Variants in MB21D2 observed in about 807,000 individuals in gnomAD.
The protein encoded by MB21D2 is Mab-21 domain containing 2, also known as nucleotidyltransferase MB21D2.
A neutral mutation model predicts 33.3 loss-of-function variants in MB21D2; 9 were observed. The ratio of observed to expected loss-of-function variants is 0.27; its 90% CI spans 0.16 to 0.47. The LOEUF (loss-of-function observed/expected upper bound fraction) is 0.47, where lower values mean the gene tolerates loss of function less well. Ranked by LOEUF, MB21D2 falls within the 20% of genes least tolerant of loss-of-function variation. The probability of loss-of-function intolerance (pLI) is 0.99; values close to 1 mark genes in which losing one functional copy is unlikely to be tolerated. For missense variants in MB21D2, 540 were observed against 624.6 expected (o/e 0.86, Z 1.44); for synonymous variants, 241 against 236.3 (o/e 1.02, Z -0.18).
intron 1 of MB21D2, among the ~76,000 whole-genome samples, chr3:192,901,011 T>G (rs1183131284): frequency 6.6e-6 from 1 of 151,624 alleles, no homozygotes; most frequent in Admixed American, 6.6e-5. Flanking sequence ...AGGATGGATG[T>G]ATGAATGCTT....
chr3:192,855,688 C>A (rs904478780), intron 1 of MB21D2, among the ~76,000 whole-genome samples: 24 of 152,230 alleles, frequency 1.6e-4, no homozygotes, highest in African/African-American at 5.1e-4. Context: ...AGAACCCATT[C>A]TCTTGATGAC....
intron 1 of MB21D2, among the ~76,000 whole-genome samples, chr3:192,888,974 C>CT (rs979885097): frequency 2.6e-4 from 39 of 151,982 alleles, no homozygotes; most frequent in Non-Finnish European, 5.3e-4. Flanking sequence ...TCTATCATCT[C>CT]TACCAGCTCA....
At chr3:192,875,409 G>A (rs1444954433) in intron 1 of MB21D2, among the ~76,000 whole-genome samples, 1 of 152,160 alleles carries the variant, frequency 6.6e-6, no homozygotes, top group Non-Finnish European at 1.5e-5. Flanking sequence ...ATGTAAACCA[G>A]GATTGCCACA....
chr3:192,852,794 ACC>A (rs1712834610), intron 1 of MB21D2, among the ~76,000 whole-genome samples: 1 of 151,434 alleles, frequency 6.6e-6, no homozygotes, highest in African/African-American at 2.4e-5. Flanking sequence ...TGAGCTCCCC[ACC>A]ACTGACCCCC....
chr3:192,893,388 A>C (rs376952924), intron 1 of MB21D2, among the ~76,000 whole-genome samples: 1 of 152,196 alleles, frequency 6.6e-6, no homozygotes, highest in South Asian at 2.1e-4. Flanking sequence ...ACAGGTTTTG[A>C]TATCAGTAAG....
intron 1 of MB21D2, among the ~76,000 whole-genome samples, chr3:192,864,317 T>A (rs559921600): frequency 6.6e-6 from 1 of 152,280 alleles, no homozygotes; most frequent in Non-Finnish European, 1.5e-5. Context: ...CCCCAGTTTG[T>A]GTGTGAACTG....
chr3:192,803,685 TG>T (rs1711599417), intron 1 of MB21D2, among the ~76,000 whole-genome samples: 1 of 152,132 alleles, frequency 6.6e-6, no homozygotes, highest in African/African-American at 2.4e-5. Context: ...AACACAGGGC[TG>T]GAAGGGAAAA....
intron 1 of MB21D2, among the ~76,000 whole-genome samples, chr3:192,894,053 A>G (rs1235857092): frequency 6.6e-6 from 1 of 151,920 alleles, no homozygotes; most frequent in Non-Finnish European, 1.5e-5. Context: ...AAATAATTTA[A>G]AGAGCCACTC....
At chr3:192,901,131 G>A (rs1333985624) in intron 1 of MB21D2, among the ~76,000 whole-genome samples, 1 of 152,028 alleles carries the variant, frequency 6.6e-6, no homozygotes, top group African/African-American at 2.4e-5. Flanking sequence ...GGTTGGTCTT[G>A]GATGACACAG....
At chr3:192,873,420 C>T (rs898268783) in intron 1 of MB21D2, among the ~76,000 whole-genome samples, 2 of 152,104 alleles carry the variant, frequency 1.3e-5, no homozygotes, top group Non-Finnish European at 2.9e-5. Context: ...TTCTCAGGAC[C>T]GCAAGTAACC....
chr3:192,850,359 C>G (rs150214478), intron 1 of MB21D2, among the ~76,000 whole-genome samples: 1 of 152,182 alleles, frequency 6.6e-6, no homozygotes, highest in Non-Finnish European at 1.5e-5. Flanking sequence ...AGCAGAGTAA[C>G]AGAGATGTGG....
intron 1 of MB21D2, among the ~76,000 whole-genome samples, chr3:192,882,525 C>T (rs1369623798): frequency 6.6e-6 from 1 of 152,136 alleles, no homozygotes; most frequent in African/African-American, 2.4e-5. Flanking sequence ...GGTGTACTGT[C>T]TCATAGGTGC....
chr3:192,819,087 G>A (rs1014847532), intron 1 of MB21D2, among the ~76,000 whole-genome samples: 1 of 152,132 alleles, frequency 6.6e-6, no homozygotes, highest in Non-Finnish European at 1.5e-5. Context: ...TAGTTTTCCT[G>A]GAGAGCTGAG....
chr3:192,909,262 A>T (rs182633632), intron 1 of MB21D2, among the ~76,000 whole-genome samples: 68 of 150,186 alleles, frequency 4.5e-4, no homozygotes, highest in Admixed American at 1.0e-3. Flanking sequence ...TCTCAAAAAA[A>T]AAAAATAAAA....
At chr3:192,875,025 A>AAT (rs1553860398) in intron 1 of MB21D2, among the ~76,000 whole-genome samples, 1 of 150,976 alleles carries the variant, frequency 6.6e-6, no homozygotes, top group Non-Finnish European at 1.5e-5. Flanking sequence ...TAAAAAAAAA[A>AAT]CAAAAAACTC....
intron 1 of MB21D2, among the ~76,000 whole-genome samples, chr3:192,884,398 G>A (rs1156704657): frequency 4.6e-5 from 7 of 151,876 alleles, no homozygotes; most frequent in Non-Finnish European, 2.9e-5. Flanking sequence ...ACGGAGTCTT[G>A]CTCTGTCACC....
At chr3:192,856,038 C>T (rs962952400) in intron 1 of MB21D2, among the ~76,000 whole-genome samples, 6 of 152,096 alleles carry the variant, frequency 3.9e-5, no homozygotes, top group African/African-American at 4.8e-5. Flanking sequence ...GCCTAGGTAA[C>T]GAAGCAAGAT....
At chr3:192,908,192 C>T (rs1037939967) in intron 1 of MB21D2, among the ~76,000 whole-genome samples, 5 of 152,076 alleles carry the variant, frequency 3.3e-5, no homozygotes, top group Admixed American at 6.6e-5. Context: ...TTCTCAGAGA[C>T]TGCAATAAAA....
intron 1 of MB21D2, among the ~76,000 whole-genome samples, chr3:192,881,594 A>C (rs1306231339): frequency 1.3e-5 from 2 of 152,148 alleles, no homozygotes; most frequent in Non-Finnish European, 2.9e-5. Context: ...CCTTCTGGGG[A>C]AAGAGCACCC....
Sources: allele counts gnomAD v4.1 joint callset (sites outside exome capture counted in the v4.1 genomes callset), GRCh38; gene constraint gnomAD v4.1.1; transcripts MANE v1.5; gene names NCBI Gene and HGNC (gene_info 2026-07-23, HGNC 2026-07-21).